Variants in KLHL28 observed in about 807,000 individuals in gnomAD.
The protein encoded by KLHL28 is kelch-like protein 28.
KLHL28 carries 22 observed loss-of-function variants against 48.3 expected under a neutral mutation model. That is an observed-to-expected ratio of 0.46 (90% CI 0.33 to 0.65). KLHL28 has a LOEUF of 0.65. KLHL28 is among the 30% of genes least tolerant of loss of function. The probability of loss-of-function intolerance (pLI) is 0.03; values close to 1 mark genes in which losing one functional copy is unlikely to be tolerated. For missense variants in KLHL28, 527 were observed against 704.3 expected, an observed-to-expected ratio of 0.75 and a Z score of 2.85; for synonymous variants, 243 against 242.4, an observed-to-expected ratio of 1.00 and a Z score of -0.02.
chr14:44,953,374 T>C (rs1340172325), intron 1 of KLHL28, among the ~76,000 whole-genome samples: 2 of 152,214 alleles, frequency 1.3e-5, no homozygotes, highest in African/African-American at 4.8e-5. Flanking sequence ...TAAAAACTTA[T>C]GTTGAAATTT....
In KLHL28 at chr14:44,928,900, T is replaced by C. The variant is rs553209206; in HGVS notation, c.*128A>G. On this transcript the variant is annotated 3_prime_UTR_variant, in exon 5 of 5. Coordinates refer to ENST00000396128, the MANE Select transcript of KLHL28 (RefSeq NM_017658.5). Reference sequence around the variant, plus strand: ...CAATTAAAAGTACCCAACAAAACTTTTGAGCCTTCATGCTACTTCAAGTTA... The same window carrying C: ...CAATTAAAAGTACCCAACAAAACTTCTGAGCCTTCATGCTACTTCAAGTTA... The C allele has an allele frequency of 1.3e-4, 98 of 742,770 alleles. No homozygotes were observed. The East Asian group carries it at 1.8e-3, about 14-fold the overall frequency. 46.0% of individuals were successfully genotyped at this position (742,770 alleles called of 1,614,324 possible).
Position 44,926,286 on chromosome 14 carries a change from T to G in KLHL28, c.*2742A>C, listed in dbSNP as rs1407157893. The G allele has an allele frequency of 6.6e-6, 1 of 152,204 alleles. No individual in the cohort carries two copies. Among genetic ancestry groups the G allele is most frequent in the Non-Finnish European group, 1.5e-5 (1 of 68,036 alleles). 9.4% of individuals were successfully genotyped at this position (152,204 alleles called of 1,614,324 possible). ...ATTTTTCCTCTTCCTTTCACAGATT[T>G]TCATAATTTGTTCACTGGTGTATGG... On this transcript the variant is annotated 3_prime_UTR_variant, in exon 5 of 5. Transcript: ENST00000396128.
chr14:44,959,323 T>G (rs1187583282), intron 1 of KLHL28: 1 of 152,086 alleles, frequency 6.6e-6, no homozygotes, highest in African/African-American at 2.4e-5. Flanking sequence ...ATTAAATGAG[T>G]TAATATTTAC....
chr14:44,943,048 T>C (rs188150082), intron 2 of KLHL28, among the ~76,000 whole-genome samples: 8 of 152,294 alleles, frequency 5.3e-5, no homozygotes, highest in Middle Eastern at 3.4e-3. Context: ...AATAATACTT[T>C]TAATTTTTAA....
At chr14:44,952,188 C>T (rs1884614467) in intron 1 of KLHL28, among the ~76,000 whole-genome samples, 2 of 152,076 alleles carry the variant, frequency 1.3e-5, no homozygotes, top group Admixed American at 1.3e-4. Context: ...TTTAATTTGG[C>T]CCCTTTCCTC....
intron 1 of KLHL28, among the ~76,000 whole-genome samples, chr14:44,950,301 A>G (rs1231713276): frequency 2.0e-5 from 3 of 152,062 alleles, no homozygotes; most frequent in Admixed American, 2.0e-4. Context: ...ATTAGATAAG[A>G]AACCCACTCT....
chr14:44,953,314 G>A (rs951702546), intron 1 of KLHL28, among the ~76,000 whole-genome samples: 3 of 151,976 alleles, frequency 2.0e-5, no homozygotes, highest in African/African-American at 7.3e-5. Context: ...ATGAATCAGA[G>A]GTATATATAT....
rs142608471 is a variant in KLHL28, at chr14:44,942,846, T to G, written c.899+2184A>C. 5.2e-3 allele frequency among the ~76,000 whole-genome samples: 790 copies of G among 152,294 alleles called. 8 individuals are homozygous for G. The highest frequency in any genetic ancestry group is 0.018 in the African/African-American group (733 of 41,556). ...GTTTCTATAAAACTATCTTGATCGT[T>G]GCATAAACATTATGTATTATTTTCT... On this transcript the variant is annotated intron_variant, in intron 2 of 4. Coordinates refer to ENST00000396128, the MANE Select transcript of KLHL28 (RefSeq NM_017658.5).
chr14:44,927,450 A>T lies in KLHL28; in HGVS notation c.*1578T>A, dbSNP rs1883411098. 1 of 152,468 alleles carries T rather than the reference A, an allele frequency of 6.6e-6. No individual in the cohort carries two copies. The highest frequency in any genetic ancestry group is 2.1e-4 in the South Asian group (1 of 4,812). 9.4% of individuals were successfully genotyped at this position (152,468 alleles called of 1,614,324 possible). ...TCTTAAGAAAAATTATCTTGCAGAG[A>T]CTTTATAAGGAGATCGCAAACAGGT... On this transcript the variant is annotated 3_prime_UTR_variant, in exon 5 of 5. Transcript: ENST00000396128.
At chr14:44,950,791 G>A (rs75642191) in intron 1 of KLHL28, among the ~76,000 whole-genome samples, 9 of 152,204 alleles carry the variant, frequency 5.9e-5, no homozygotes, top group Non-Finnish European at 1.2e-4. Flanking sequence ...ATTGGTAGAC[G>A]TTATTTATTT....
In KLHL28 at chr14:44,934,117, G is replaced by C; in HGVS notation, c.1341C>G (p.Asn447Lys). Reference protein sequence around the residue: ...AIGGYGPAHMNSVERYDPSKD... With the variant: ...AIGGYGPAHMKSVERYDPSKD... ...AATTTAATTATTAAGTTAAATACCT[G>C]TTCATGTGGGCAGGACCATACCCAC... Residue 447 changes from asparagine (N) to lysine (K), a missense_variant and splice_region_variant, in exon 3 of 5, where the codon AAC becomes AAG. Physicochemically the swap from Asn to Lys is moderately conservative, Grantham distance 94 (BLOSUM62 0). Coordinates refer to ENST00000396128, the MANE Select transcript of KLHL28 (RefSeq NM_017658.5). 6.3e-7 allele frequency: 1 copy of C among 1,597,150 alleles called. No homozygotes were observed. Among genetic ancestry groups the C allele is most frequent in the East Asian group, 2.2e-5 (1 of 44,730 alleles).
intron 2 of KLHL28, among the ~76,000 whole-genome samples, chr14:44,943,969 C>T (rs1468425756): frequency 6.6e-6 from 1 of 151,996 alleles, no homozygotes; most frequent in African/African-American, 2.4e-5. Context: ...CCTGTGTTGG[C>T]CTCCCAAAGT....
chr14:44,934,253 G>T lies in KLHL28; in HGVS notation c.1205C>A (p.Ser402Tyr), dbSNP rs774419924. ...GGYDGQSYLQSVEKYIPKIRK... is the reference protein window; with the variant it reads ...GGYDGQSYLQYVEKYIPKIRK... ...TATTTTGGGAATGTACTTCTCTACAGATTGTAAATAAGATTGTCCATCATA... is the reference window on the plus strand; with the variant it reads ...TATTTTGGGAATGTACTTCTCTACATATTGTAAATAAGATTGTCCATCATA... The change falls in exon 3 of 5, where the codon TCT becomes TAT. Residue 402 changes from serine to tyrosine, a missense_variant. Ser to Tyr is a moderately radical substitution (Grantham distance 144, BLOSUM62 -2). Transcript: ENST00000396128. 1.2e-6 allele frequency: 2 copies of T among 1,614,070 alleles called. No individual in the cohort carries two copies. The highest frequency in any genetic ancestry group is 1.7e-6 in the Non-Finnish European group (2 of 1,179,964).
intron 1 of KLHL28, among the ~76,000 whole-genome samples, chr14:44,956,424 A>T (rs1884796026): frequency 6.6e-6 from 1 of 152,224 alleles, no homozygotes; most frequent in Non-Finnish European, 1.5e-5. Flanking sequence ...GAAAAACATA[A>T]CACCCATGAG....
At chr14:44,953,758 T>C (rs983190428) in intron 1 of KLHL28, 1 of 152,218 alleles carries the variant, frequency 6.6e-6, no homozygotes, top group Non-Finnish European at 1.5e-5. Context: ...GTTTCAGATA[T>C]TGTGTTATAA....
intron 1 of KLHL28, among the ~76,000 whole-genome samples, chr14:44,954,506 C>T (rs1054958282): frequency 6.6e-6 from 1 of 152,126 alleles, no homozygotes; most frequent in South Asian, 2.1e-4. Context: ...CAGTACTATA[C>T]AGCGATGAAA....
intron 3 of KLHL28, 55 bp downstream of exon 3, chr14:44,934,060 A>C: frequency 7.3e-7 from 1 of 1,378,610 alleles, no homozygotes; most frequent in Non-Finnish European, 9.9e-7. Context: ...AATCATTGCT[A>C]ATGAGACTTT....
rs1393576655 is a variant in KLHL28 at position 44,929,292 on chromosome 14, A to G, written c.1553-101T>C. 7 of 1,050,210 alleles carry G rather than the reference A, an allele frequency of 6.7e-6. No homozygotes were observed. In the East Asian group the frequency reaches 1.3e-4, roughly 20 times the overall value. The allele number at this position is 1,050,210 out of a possible 1,614,324, so 65.1% of individuals were successfully genotyped here. A position where few individuals can be genotyped will look rare whatever the true frequency, so the allele number is the denominator to read the frequency against. ...GTATTTTAATGTTTTATTAAAATAC[A>G]TTTTAACAATCTATTATTAATTATA... On this transcript the variant is annotated intron_variant, in intron 4 of 4. Coordinates refer to ENST00000396128, the MANE Select transcript of KLHL28 (RefSeq NM_017658.5).
At chr14:44,960,046 C>A (rs1379993173) in intron 1 of KLHL28, among the ~76,000 whole-genome samples, 1 of 152,158 alleles carries the variant, frequency 6.6e-6, no homozygotes, top group African/African-American at 2.4e-5. Flanking sequence ...TAAATATCCA[C>A]TATGGAGACT....
Sources: gnomAD v4.1 joint callset for allele counts (sites outside exome capture counted in the v4.1 genomes callset) on GRCh38, gnomAD v4.1.1 for gene constraint, MANE v1.5 for transcripts, NCBI Gene and HGNC (gene_info 2026-07-23, HGNC 2026-07-21) for gene names.